GRID1: variants seen among roughly 807,000 people sequenced by gnomAD.
The protein encoded by GRID1 is glutamate ionotropic receptor delta type subunit 1, also known as glutamate receptor ionotropic, delta-1.
GRID1 carries 28 observed loss-of-function variants against 98.0 expected under a neutral mutation model. That is an observed-to-expected ratio of 0.29 (90% CI 0.21 to 0.39). The LOEUF (loss-of-function observed/expected upper bound fraction) is 0.39. Ranked by LOEUF, GRID1 falls within the 10% of genes least tolerant of loss-of-function variation. The pLI, the probability that GRID1 is intolerant of heterozygous loss-of-function variation, is 1.00. For missense variants in GRID1, 1,111 were observed against 1,340.5 expected, an observed-to-expected ratio of 0.83 and a Z score of 2.67; for synonymous variants, 553 against 538.5, an observed-to-expected ratio of 1.03 and a Z score of -0.37.
intron 4 of GRID1, among the ~76,000 whole-genome samples, chr10:86,127,482 T>A (rs966161761): frequency 1.3e-5 from 2 of 152,132 alleles, no homozygotes; most frequent in Non-Finnish European, 1.5e-5. Context: ...AGGTGCCCTG[T>A]GAACTCTCAC....
At chr10:86,236,008 C>T (rs1361172322) in intron 2 of GRID1, among the ~76,000 whole-genome samples, 1 of 152,186 alleles carries the variant, frequency 6.6e-6, no homozygotes. Flanking sequence ...TTTGCATTCC[C>T]GCTGGCAGTG....
intron 2 of GRID1, among the ~76,000 whole-genome samples, chr10:86,306,806 C>A (rs1677405020): frequency 6.6e-6 from 1 of 152,222 alleles, no homozygotes; most frequent in African/African-American, 2.4e-5. Context: ...TTCCAGAGAG[C>A]CAGACAGTTC....
chr10:85,654,649 C>T (rs535008122), intron 12 of GRID1, among the ~76,000 whole-genome samples: 3 of 152,312 alleles, frequency 2.0e-5, no homozygotes, highest in Admixed American at 6.5e-5. Context: ...TGTCCACCAG[C>T]CATGAGGAGG....
intron 2 of GRID1, among the ~76,000 whole-genome samples, chr10:86,310,635 A>G (rs1847820017): frequency 6.6e-6 from 1 of 152,182 alleles, no homozygotes; most frequent in Admixed American, 6.5e-5. Flanking sequence ...TGCGCCACGC[A>G]TGGTTTCTGC....
At chr10:85,906,096 A>T (rs1841457078) in intron 5 of GRID1, among the ~76,000 whole-genome samples, 1 of 152,116 alleles carries the variant, frequency 6.6e-6, no homozygotes, top group African/African-American at 2.4e-5. Flanking sequence ...ATAAATATAG[A>T]ATGGCTGCAG....
chr10:85,869,810 C>A (rs1843259307), intron 5 of GRID1, among the ~76,000 whole-genome samples: 1 of 152,168 alleles, frequency 6.6e-6, no homozygotes, highest in Admixed American at 6.5e-5. Flanking sequence ...ATGCCAAGTT[C>A]CAGGGCTAAG....
At chr10:85,785,422 C>A (rs543941039) in intron 8 of GRID1, among the ~76,000 whole-genome samples, 1 of 152,094 alleles carries the variant, frequency 6.6e-6, no homozygotes, top group East Asian at 1.9e-4. Context: ...TCCACGGACG[C>A]GGAAAGAGAC....
intron 10 of GRID1, among the ~76,000 whole-genome samples, chr10:85,726,421 C>A (rs1025603943): frequency 6.6e-6 from 1 of 152,110 alleles, no homozygotes; most frequent in Non-Finnish European, 1.5e-5. Flanking sequence ...GCAATCTGGA[C>A]AGATTCACAA....
intron 6 of GRID1, among the ~76,000 whole-genome samples, chr10:85,858,859 A>G (rs1268842331): frequency 6.6e-6 from 1 of 152,206 alleles, no homozygotes; most frequent in Admixed American, 6.5e-5. Flanking sequence ...AACCCAGTGG[A>G]ATCTCCCTTT....
chr10:86,191,113 A>G (rs911118167), intron 3 of GRID1, among the ~76,000 whole-genome samples: 2 of 152,100 alleles, frequency 1.3e-5, no homozygotes, highest in Non-Finnish European at 2.9e-5. Flanking sequence ...GATGCCACAG[A>G]CTCAAAGTCA....
chr10:86,288,921 G>C (rs1847472698), intron 2 of GRID1, among the ~76,000 whole-genome samples: 1 of 152,182 alleles, frequency 6.6e-6, no homozygotes, highest in Admixed American at 6.5e-5. Context: ...CCAGCACTTA[G>C]TGGCCTCCTG....
At chr10:85,994,632 G>A (rs775726415) in intron 4 of GRID1, among the ~76,000 whole-genome samples, 47 of 152,218 alleles carry the variant, frequency 3.1e-4, no homozygotes, top group Non-Finnish European at 5.9e-4. Flanking sequence ...TTGGTGAGCT[G>A]TTAGATACTC....
intron 12 of GRID1, among the ~76,000 whole-genome samples, chr10:85,667,661 G>A (rs1281592586): frequency 6.6e-6 from 1 of 152,230 alleles, no homozygotes; most frequent in African/African-American, 2.4e-5. Flanking sequence ...TTAAGTTCAT[G>A]AAGACATGCA....
At chr10:86,145,476 G>A (rs1177394989) in intron 3 of GRID1, among the ~76,000 whole-genome samples, 2 of 151,762 alleles carry the variant, frequency 1.3e-5, no homozygotes, top group South Asian at 2.1e-4. Flanking sequence ...CCTCCACCAC[G>A]TCCTCCTCAA....
At chr10:85,863,181 G>A (rs1019457255) in intron 6 of GRID1, among the ~76,000 whole-genome samples, 6 of 152,216 alleles carry the variant, frequency 3.9e-5, no homozygotes, top group African/African-American at 1.4e-4. Context: ...TCACCGTTCT[G>A]AAGCCTGGCA....
At chr10:85,784,994 A>G (rs531694464) in intron 8 of GRID1, among the ~76,000 whole-genome samples, 6 of 152,314 alleles carry the variant, frequency 3.9e-5, no homozygotes, top group African/African-American at 7.2e-5. Context: ...GTCTGGCTAC[A>G]CAATTGCAGA....
intron 12 of GRID1, among the ~76,000 whole-genome samples, chr10:85,652,383 CA>C (rs746511293): frequency 3.9e-5 from 6 of 152,168 alleles, no homozygotes; most frequent in Admixed American, 6.5e-5. Flanking sequence ...AGAGCAGAAT[CA>C]ATATTCAGTA....
At chr10:86,264,808 T>C (rs1389296030) in intron 2 of GRID1, 2 of 473,966 alleles carry the variant, frequency 4.2e-6, no homozygotes, top group Non-Finnish European at 8.8e-6. Flanking sequence ...CTCGTCTGTG[T>C]CACCGCCGCC....
intron 4 of GRID1, among the ~76,000 whole-genome samples, chr10:85,956,098 G>A (rs1455927198): frequency 6.6e-6 from 1 of 152,326 alleles, no homozygotes; most frequent in African/African-American, 2.4e-5. Context: ...CCCCTGGGCA[G>A]CCTCACTGGG....
Sources: gnomAD v4.1 joint callset for allele counts (sites outside exome capture counted in the v4.1 genomes callset) on GRCh38, gnomAD v4.1.1 for gene constraint, MANE v1.5 for transcripts, NCBI Gene and HGNC (gene_info 2026-07-23, HGNC 2026-07-21) for gene names.